AMMECR1: variants seen among roughly 807,000 people sequenced by gnomAD.
AMMECR1 encodes AMMECR nuclear protein 1, also known as nuclear protein AMMECR1.
AMMECR1 carries 3 observed loss-of-function variants against 22.5 expected under a neutral mutation model. The observed-to-expected ratio is 0.13, with a 90% CI of 0.06 to 0.35. The LOEUF is 0.35. Ranked by LOEUF, AMMECR1 falls within the 10% of genes least tolerant of loss-of-function variation. The pLI, the probability that AMMECR1 is intolerant of heterozygous loss-of-function variation, is 1.00. For synonymous variants in AMMECR1, 130 were observed against 116.7 expected, an observed-to-expected ratio of 1.11 and a Z score of -0.74; for missense variants, 235 against 278.7, an observed-to-expected ratio of 0.84 and a Z score of 1.12.
chrX:110,241,048 A>G lies in AMMECR1; in HGVS notation c.584+23441T>C, dbSNP rs149677662. ...GGAAACCAATGAGAACAAAGACACA[A>G]TGTACCAGAATCTTTGGGACACAGC... On this transcript the variant is annotated intron_variant, in intron 2 of 5. Transcript: ENST00000262844. Among the ~76,000 whole-genome samples the G allele has an allele frequency of 1.3e-3, 149 of 112,062 alleles. 2 individuals are homozygous for G. The East Asian group carries it at 0.032, about 24-fold the overall frequency.
At chrX:110,329,275 G>A (rs1318992138) in intron 2 of AMMECR1, among the ~76,000 whole-genome samples, 1 of 112,147 alleles carries the variant, frequency 8.9e-6, no homozygotes, top group African/African-American at 3.2e-5. Flanking sequence ...TTTGAGAAGT[G>A]TCTGTTCATA....
At chrX:110,345,797 A>G (rs193217785) in intron 2 of AMMECR1, among the ~76,000 whole-genome samples, 6 of 112,244 alleles carry the variant, frequency 5.3e-5, no homozygotes, top group African/African-American at 1.9e-4. Context: ...TTGTACTATT[A>G]GCAATAATTA....
intron 2 of AMMECR1, among the ~76,000 whole-genome samples, chrX:110,344,099 C>T (rs1218515842): frequency 2.4e-4 from 27 of 111,902 alleles, no homozygotes; most frequent in Non-Finnish European, 4.3e-4. Flanking sequence ...AACTATACTA[C>T]AAGGCTACAG....
intron 2 of AMMECR1, among the ~76,000 whole-genome samples, chrX:110,377,072 A>G (rs1023248811): frequency 9.0e-6 from 1 of 111,584 alleles, no homozygotes; most frequent in East Asian, 2.8e-4. Flanking sequence ...GTAGACAGTA[A>G]TAACAATAAA....
chrX:110,271,791 C>T (rs182347454), intron 1 of AMMECR1, among the ~76,000 whole-genome samples: 392 of 111,188 alleles, frequency 3.5e-3, no homozygotes, highest in Non-Finnish European at 5.1e-3. Context: ...TCTCTATTAC[C>T]TGAAAATACA....
intron 2 of AMMECR1, among the ~76,000 whole-genome samples, chrX:110,346,316 T>C (rs1356826888): frequency 8.9e-6 from 1 of 111,800 alleles, no homozygotes; most frequent in Non-Finnish European, 1.9e-5. Flanking sequence ...AGGCTATGAG[T>C]AGATTATTCA....
chrX:110,382,260 G>A (rs1214432629), intron 2 of AMMECR1, among the ~76,000 whole-genome samples: 1 of 110,169 alleles, frequency 9.1e-6, no homozygotes, highest in Non-Finnish European at 1.9e-5. Flanking sequence ...TGGGAAGAAA[G>A]AGCACAATGG....
intron 2 of AMMECR1, among the ~76,000 whole-genome samples, chrX:110,328,010 AGT>A (rs1169171975): frequency 8.9e-6 from 1 of 112,014 alleles, no homozygotes; most frequent in South Asian, 3.7e-4. Flanking sequence ...AGAGTTATGG[AGT>A]GAGAGAAATA....
intron 1 of AMMECR1, among the ~76,000 whole-genome samples, chrX:110,267,334 C>T (rs1161163917): frequency 9.1e-6 from 1 of 110,301 alleles, no homozygotes; most frequent in African/African-American, 3.3e-5. Context: ...TCTCCACATC[C>T]TCTCCAGGAG....
chrX:110,265,002 T>C (rs1456493124), intron 1 of AMMECR1, among the ~76,000 whole-genome samples: 1 of 111,652 alleles, frequency 9.0e-6, no homozygotes, highest in Non-Finnish European at 1.9e-5. Flanking sequence ...ATTACTCATT[T>C]AAACCTCAAA....
chrX:110,199,980 C>T (rs1249725814), intron 5 of AMMECR1, among the ~76,000 whole-genome samples: 1 of 111,548 alleles, frequency 9.0e-6, no homozygotes, highest in Admixed American at 9.5e-5. Context: ...TGATCAGCTT[C>T]TCTATTACAC....
intron 2 of AMMECR1, among the ~76,000 whole-genome samples, chrX:110,349,246 G>A (rs2068202322): frequency 8.9e-6 from 1 of 112,006 alleles, no homozygotes; most frequent in Admixed American, 9.5e-5. Flanking sequence ...CTCTTAGCCT[G>A]TTGAGGCTGC....
At chrX:110,284,068 G>A (rs927437976) in intron 1 of AMMECR1, among the ~76,000 whole-genome samples, 26 of 111,425 alleles carry the variant, frequency 2.3e-4, no homozygotes, top group African/African-American at 7.2e-4. Flanking sequence ...GGCGGTTGCG[G>A]TGAGCTGAGA....
At chrX:110,296,934 A>AT (rs1434921954) in intron 1 of AMMECR1, among the ~76,000 whole-genome samples, 2 of 110,521 alleles carry the variant, frequency 1.8e-5, no homozygotes, top group African/African-American at 6.6e-5. Flanking sequence ...GTTGGTTTTA[A>AT]TTTTTTTTAG....
At chrX:110,397,601 A>G (rs2068536353) in intron 2 of AMMECR1, among the ~76,000 whole-genome samples, 1 of 111,039 alleles carries the variant, frequency 9.0e-6, no homozygotes, top group Non-Finnish European at 1.9e-5. Flanking sequence ...AAAGAGACAC[A>G]GTCACTGCTG....
At chrX:110,357,077 A>G (rs990968723) in intron 2 of AMMECR1, among the ~76,000 whole-genome samples, 1 of 112,179 alleles carries the variant, frequency 8.9e-6, no homozygotes, top group Non-Finnish European at 1.9e-5. Flanking sequence ...TTGCAAATAG[A>G]AAAATGAGAA....
chrX:110,414,281 A>T (rs1480314698), intron 2 of AMMECR1, among the ~76,000 whole-genome samples: 1 of 112,430 alleles, frequency 8.9e-6, no homozygotes, highest in Non-Finnish European at 1.9e-5. Flanking sequence ...CCTTCTAAGT[A>T]ACTGTCCTGA....
At chrX:110,359,203 G>C (rs2068246536) in intron 2 of AMMECR1, among the ~76,000 whole-genome samples, 2 of 111,156 alleles carry the variant, frequency 1.8e-5, no homozygotes, top group African/African-American at 3.3e-5. Flanking sequence ...CTTCGCAACA[G>C]AAACTTGATT....
At chrX:110,291,046 C>T (rs1453386007) in intron 1 of AMMECR1, among the ~76,000 whole-genome samples, 1 of 111,394 alleles carries the variant, frequency 9.0e-6, no homozygotes, top group East Asian at 2.8e-4. Flanking sequence ...TTAACTTCCT[C>T]ACCTTAAGAA....
Sources: allele counts gnomAD v4.1 joint callset (sites outside exome capture counted in the v4.1 genomes callset), GRCh38; gene constraint gnomAD v4.1.1; transcripts MANE v1.5; gene names NCBI Gene and HGNC (gene_info 2026-07-23, HGNC 2026-07-21).